Variants in TXK observed in about 807,000 individuals in gnomAD.
TXK encodes the protein TXK tyrosine kinase, also known as tyrosine-protein kinase TXK.
A neutral mutation model predicts 81.0 loss-of-function variants in TXK; 60 were observed. The observed-to-expected ratio is 0.74, with a 90% CI of 0.60 to 0.92. The LOEUF (loss-of-function observed/expected upper bound fraction) is 0.92, where lower values mean the gene tolerates loss of function less well. Ranked by LOEUF, TXK falls within the 40% of genes least tolerant of loss-of-function variation. The pLI is 0.00. For missense variants in TXK, 581 were observed against 638.3 expected, an observed-to-expected ratio of 0.91 and a Z score of 0.97; for synonymous variants, 203 against 210.7, an observed-to-expected ratio of 0.96 and a Z score of 0.32.
intron 11 of TXK, among the ~76,000 whole-genome samples, chr4:48,078,197 C>T (rs1413056974): frequency 2.0e-5 from 3 of 152,174 alleles, no homozygotes; most frequent in African/African-American, 4.8e-5. Flanking sequence ...CTCAAAGACT[C>T]TAAGTCTCAT....
intron 1 of TXK, among the ~76,000 whole-genome samples, chr4:48,119,507 T>C (rs1417496202): frequency 6.6e-6 from 1 of 152,188 alleles, no homozygotes; most frequent in Admixed American, 6.6e-5. Flanking sequence ...CACTGCTGTT[T>C]CATTGCTCCC....
intron 13 of TXK, among the ~76,000 whole-genome samples, chr4:48,072,775 T>C (rs1577645819): frequency 2.0e-5 from 3 of 152,322 alleles, no homozygotes; most frequent in South Asian, 2.1e-4. Context: ...GAGGTCGTTA[T>C]ATTGCTCTTC....
intron 14 of TXK, among the ~76,000 whole-genome samples, chr4:48,069,134 T>C (rs1421058534): frequency 7.6e-6 from 1 of 131,090 alleles, no homozygotes; most frequent in African/African-American, 2.8e-5. Flanking sequence ...ACCCCATCTC[T>C]AGAAAAAATT....
Position 48,105,419 on chromosome 4 carries a change from G to A in TXK, c.447-464C>T, listed in dbSNP as rs75100390. 9.4e-3 allele frequency among the ~76,000 whole-genome samples: 1,434 copies of A among 152,054 alleles called. 10 individuals are homozygous for A. The highest frequency in any genetic ancestry group is 0.015 in the Non-Finnish European group (1,032 of 67,998). ...TTTCTGACACTCCTAAGTATATTACGTCATAGTATAGTCAGTAGTTAGTAG... is the reference window on the plus strand; with the variant it reads ...TTTCTGACACTCCTAAGTATATTACATCATAGTATAGTCAGTAGTTAGTAG... On this transcript the variant is annotated intron_variant, in intron 5 of 14. Transcript: ENST00000264316.
rs1444101602 is a variant in TXK at position 48,080,121 on chromosome 4, A to G, written c.964T>C (p.Ser322Pro). 1.1e-5 allele frequency: 18 copies of G among 1,611,876 alleles called. No homozygotes were observed. The highest frequency in any genetic ancestry group is 1.4e-5 in the Non-Finnish European group (17 of 1,178,144). ...IEEAKVMMKL[S>P]HSKLVQLYGV... ...TAAAGTTGCACTAGCTTTGAATGAGATAATTTCCTGGTGAAGAAAAACATA... is the reference window on the plus strand; with the variant it reads ...TAAAGTTGCACTAGCTTTGAATGAGGTAATTTCCTGGTGAAGAAAAACATA... The change falls in exon 11 of 15, where the codon TCT (serine) becomes CCT (proline). Residue 322 changes from serine to proline, a missense_variant. Ser to Pro is a moderately conservative substitution (Grantham distance 74, BLOSUM62 -1). Coordinates refer to ENST00000264316, the MANE Select transcript of TXK (RefSeq NM_003328.3).
At chr4:48,067,782 A>C in intron 14 of TXK, 77 bp from the exon 15 acceptor site, 1 of 1,376,070 alleles carries the variant, frequency 7.3e-7, no homozygotes. Flanking sequence ...AACGCTAAGC[A>C]TGTGGGAGTC....
At chr4:48,126,624 C>T (rs1468345627) in intron 1 of TXK, among the ~76,000 whole-genome samples, 1 of 152,182 alleles carries the variant, frequency 6.6e-6, no homozygotes, top group African/African-American at 2.4e-5. Context: ...CCTCAGCCTC[C>T]CAAGTAGCTG....
At chr4:48,118,525 C>A (rs1560361219) in intron 1 of TXK, among the ~76,000 whole-genome samples, 1 of 152,210 alleles carries the variant, frequency 6.6e-6, no homozygotes, top group Non-Finnish European at 1.5e-5. Context: ...TCCTTTGAAT[C>A]AGATAACACC....
At chr4:48,072,185 G>C (rs923700563) in intron 13 of TXK, among the ~76,000 whole-genome samples, 1 of 152,104 alleles carries the variant, frequency 6.6e-6, no homozygotes, top group African/African-American at 2.4e-5. Context: ...TCTATTTTTA[G>C]TAGAGGCGGG....
intron 12 of TXK, among the ~76,000 whole-genome samples, chr4:48,074,671 T>G (rs1716995597): frequency 1.3e-5 from 2 of 152,194 alleles, no homozygotes; most frequent in Admixed American, 1.3e-4. Context: ...TACACCGGGA[T>G]GTCCAAATGT....
Position 48,128,789 on chromosome 4 carries a change from G to A in TXK, c.16+5366C>T, listed in dbSNP as rs572706627. ...TCACTGTGTTAGTCAGGATGGTCTC[G>A]ATCTCCTGACCTCGTGATCCACCTG... On this transcript the variant is annotated intron_variant, in intron 1 of 14. Transcript: ENST00000264316. 3.3e-5 allele frequency among the ~76,000 whole-genome samples: 5 copies of A among 151,786 alleles called. No individual in the cohort carries two copies. The South Asian group carries it at 1.0e-3, about 32-fold the overall frequency.
At chr4:48,104,782 G>C in intron 6 of TXK, 119 bp downstream of exon 6, 1 of 702,690 alleles carries the variant, frequency 1.4e-6, no homozygotes, top group Non-Finnish European at 2.4e-6. Context: ...TATATAGTTG[G>C]GATGTAATGA....
chr4:48,073,359 G>A (rs749655051), intron 13 of TXK, among the ~76,000 whole-genome samples: 1 of 152,066 alleles, frequency 6.6e-6, no homozygotes, highest in East Asian at 1.9e-4. Flanking sequence ...AATCAACCCC[G>A]AAACTTCATT....
chr4:48,088,353 C>T (rs905027938), intron 9 of TXK, among the ~76,000 whole-genome samples: 9 of 152,178 alleles, frequency 5.9e-5, no homozygotes, highest in African/African-American at 2.2e-4. Context: ...CACTTAACTT[C>T]ATCAAAACAC....
At chr4:48,093,885 T>A (rs1419345755) in intron 8 of TXK, among the ~76,000 whole-genome samples, 192 bp downstream of exon 8, 1 of 152,224 alleles carries the variant, frequency 6.6e-6, no homozygotes, top group Non-Finnish European at 1.5e-5. Context: ...GACCTACCTC[T>A]TGCCCCCAAC....
intron 1 of TXK, among the ~76,000 whole-genome samples, chr4:48,129,327 A>C (rs1719179893): frequency 6.6e-6 from 1 of 152,148 alleles, no homozygotes; most frequent in Non-Finnish European, 1.5e-5. Context: ...TTTGTGTTAG[A>C]CCTTGACTGT....
chr4:48,084,344 T>C (rs1475085314), intron 10 of TXK, among the ~76,000 whole-genome samples: 1 of 152,088 alleles, frequency 6.6e-6, no homozygotes, highest in African/African-American at 2.4e-5. Context: ...TCCTCCCATG[T>C]TAGCCTCCCA....
intron 6 of TXK, among the ~76,000 whole-genome samples, chr4:48,099,462 T>TG (rs2109444132): frequency 6.6e-6 from 1 of 152,340 alleles, no homozygotes; most frequent in African/African-American, 2.4e-5. Context: ...CTAGAACAAA[T>TG]GGATCCCCAA....
chr4:48,106,513 A>T (rs1449318705), intron 5 of TXK, among the ~76,000 whole-genome samples: 2 of 151,326 alleles, frequency 1.3e-5, no homozygotes, highest in African/African-American at 2.4e-5. Context: ...TCCTATGAAC[A>T]TTTTTTTTTA....
Sources: allele counts gnomAD v4.1 joint callset (sites outside exome capture counted in the v4.1 genomes callset), GRCh38; gene constraint gnomAD v4.1.1; transcripts MANE v1.5; gene names NCBI Gene and HGNC (gene_info 2026-07-23, HGNC 2026-07-21).